The following LMX1A variants were observed in gnomAD, a reference collection of about 807,000 sequenced individuals.
LMX1A encodes the protein LIM homeobox transcription factor 1-alpha.
Under a neutral mutation model 49.1 loss-of-function variants are expected in LMX1A, and 15 were observed. The ratio of observed to expected loss-of-function variants is 0.31; its 90% confidence interval spans 0.20 to 0.47. LMX1A has a LOEUF of 0.47. LMX1A is among the 20% of genes least tolerant of loss of function. LMX1A has a pLI of 1.00. For synonymous variants in LMX1A, 167 were observed against 185.7 expected (o/e 0.90, Z 0.82); for missense variants, 372 against 475.8 (o/e 0.78, Z 2.03).
chr1:165,308,385 T>A (rs866812060), intron 3 of LMX1A, among the ~76,000 whole-genome samples: 1 of 152,186 alleles, frequency 6.6e-6, no homozygotes, highest in East Asian at 1.9e-4. Flanking sequence ...ACAGACAGAA[T>A]CATTCTGAAT....
chr1:165,345,639 G>A (rs556423909), intron 3 of LMX1A, among the ~76,000 whole-genome samples: 10 of 152,294 alleles, frequency 6.6e-5, no homozygotes, highest in South Asian at 2.1e-4. Context: ...AGTAATGGAC[G>A]TGAGGTTATG....
At chr1:165,319,243 G>A (rs1655312594) in intron 3 of LMX1A, among the ~76,000 whole-genome samples, 1 of 151,924 alleles carries the variant, frequency 6.6e-6, no homozygotes. Context: ...TAAATACATA[G>A]AGATACAACT....
intron 3 of LMX1A, among the ~76,000 whole-genome samples, chr1:165,315,760 C>G (rs1655202116): frequency 6.6e-6 from 1 of 152,178 alleles, no homozygotes; most frequent in South Asian, 2.1e-4. Context: ...GTCCCATCCA[C>G]CCCTGACACA....
Position 165,247,845 on chromosome 1 carries a change from A to T in LMX1A, c.496+1563T>A, listed in dbSNP as rs375807168. 1.8e-4 allele frequency among the ~76,000 whole-genome samples: 27 copies of T among 152,318 alleles called. 1 individual carries two copies. The East Asian group carries it at 4.2e-3, about 24-fold the overall frequency. On this transcript the variant is annotated intron_variant, in intron 4 of 8. Coordinates refer to ENST00000342310, the MANE Select transcript of LMX1A (RefSeq NM_177398.4). ...CCAAAATTTGCCCAAAGTCACAGAG[A>T]TATAGTGATATAACCTGGCTAAGGC...
intron 3 of LMX1A, among the ~76,000 whole-genome samples, chr1:165,264,939 C>A (rs1653572513): frequency 6.6e-6 from 1 of 152,082 alleles, no homozygotes; most frequent in Non-Finnish European, 1.5e-5. Context: ...CGCGGTGGCT[C>A]ACACCTGTAA....
At chr1:165,313,067 T>C (rs1281765810) in intron 3 of LMX1A, among the ~76,000 whole-genome samples, 1 of 152,162 alleles carries the variant, frequency 6.6e-6, no homozygotes, top group Non-Finnish European at 1.5e-5. Context: ...TATATCCTCA[T>C]CATTGACAGA....
chr1:165,340,169 G>T (rs1656029804), intron 3 of LMX1A, among the ~76,000 whole-genome samples: 1 of 152,118 alleles, frequency 6.6e-6, no homozygotes, highest in African/African-American at 2.4e-5. Context: ...GTGCAATGGT[G>T]ATGGTTCATT....
At position 165,303,911 on chromosome 1, in the gene LMX1A, A is replaced by G. The variant is rs548140258; in HGVS notation, c.263+49165T>C. On this transcript the variant is annotated intron_variant, in intron 3 of 8. Coordinates refer to ENST00000342310, the MANE Select transcript of LMX1A (RefSeq NM_177398.4). ...CTTCCACGCAGATATTATATCTAGT[A>G]TATGGGTGGGATTACCCCACGCCAG... 2.6e-5 allele frequency among the ~76,000 whole-genome samples: 4 copies of G among 152,300 alleles called. No individual in the cohort carries two copies. In the East Asian group the frequency reaches 7.7e-4, roughly 29 times the overall value.
chr1:165,220,472 C>T (rs530015065), intron 4 of LMX1A, among the ~76,000 whole-genome samples: 1 of 152,046 alleles, frequency 6.6e-6, no homozygotes, highest in Non-Finnish European at 1.5e-5. Context: ...CCACAGGCAG[C>T]CTTTCATGGC....
At chr1:165,290,592 A>T (rs1654441062) in intron 3 of LMX1A, among the ~76,000 whole-genome samples, 1 of 152,168 alleles carries the variant, frequency 6.6e-6, no homozygotes, top group Non-Finnish European at 1.5e-5. Context: ...TTTGGACCTG[A>T]TGTCTTTGGG....
chr1:165,209,858 T>C (rs1034700638), intron 6 of LMX1A, among the ~76,000 whole-genome samples: 28 of 152,186 alleles, frequency 1.8e-4, no homozygotes, highest in Non-Finnish European at 3.4e-4. Flanking sequence ...TAAAACCACC[T>C]GGAGCTTGCA....
intron 3 of LMX1A, among the ~76,000 whole-genome samples, chr1:165,256,364 G>A (rs1312243356): frequency 1.3e-5 from 2 of 152,080 alleles, no homozygotes; most frequent in East Asian, 3.9e-4. Context: ...ATTTCTCAAT[G>A]GAAAAGTTCT....
chr1:165,291,417 GT>G (rs1654463305), intron 3 of LMX1A, among the ~76,000 whole-genome samples: 1 of 152,146 alleles, frequency 6.6e-6, no homozygotes, highest in Admixed American at 6.5e-5. Flanking sequence ...CATCTGTTAT[GT>G]TCCAGCTGAC....
chr1:165,324,812 G>A (rs745647094), intron 3 of LMX1A, among the ~76,000 whole-genome samples: 28 of 152,106 alleles, frequency 1.8e-4, no homozygotes, highest in African/African-American at 2.9e-4. Flanking sequence ...GGCATCTTAA[G>A]CCCAGGTTTT....
chr1:165,329,942 C>G (rs1422970503), intron 3 of LMX1A, among the ~76,000 whole-genome samples: 1 of 152,142 alleles, frequency 6.6e-6, no homozygotes, highest in Non-Finnish European at 1.5e-5. Context: ...GCTGGCTCTG[C>G]CACTCATTAG....
chr1:165,340,488 T>G (rs552723998), intron 3 of LMX1A, among the ~76,000 whole-genome samples: 61 of 152,302 alleles, frequency 4.0e-4, no homozygotes, highest in Non-Finnish European at 8.2e-4. Flanking sequence ...CACTCTGATG[T>G]TCTCCCCTGC....
intron 3 of LMX1A, among the ~76,000 whole-genome samples, chr1:165,346,923 T>C (rs1317293800): frequency 1.3e-5 from 2 of 152,246 alleles, no homozygotes; most frequent in African/African-American, 4.8e-5. Flanking sequence ...AATTGTGCTT[T>C]ACTAAAATAA....
intron 6 of LMX1A, among the ~76,000 whole-genome samples, chr1:165,210,450 G>A (rs1393429428): frequency 3.9e-5 from 6 of 152,190 alleles, no homozygotes; most frequent in Admixed American, 3.3e-4. Flanking sequence ...CATACAGATG[G>A]CTGGCCAAAA....
intron 4 of LMX1A, among the ~76,000 whole-genome samples, chr1:165,237,442 C>T (rs1262711925): frequency 1.3e-5 from 2 of 152,094 alleles, no homozygotes; most frequent in Admixed American, 6.5e-5. Context: ...TGGTCTCGAT[C>T]TCCTGATCTC....
Sources: allele counts gnomAD v4.1 joint callset (sites outside exome capture counted in the v4.1 genomes callset), GRCh38; gene constraint gnomAD v4.1.1; transcripts MANE v1.5; gene names NCBI Gene and HGNC (gene_info 2026-07-23, HGNC 2026-07-21).